The following PLCXD3 variants were observed in gnomAD, a reference collection of about 807,000 sequenced individuals.
PLCXD3 encodes phosphatidylinositol specific phospholipase C X domain containing 3.
Under a neutral mutation model 25.5 loss-of-function variants are expected in PLCXD3, and 19 were observed. That is an observed-to-expected ratio of 0.75 (90% CI 0.52 to 1.09). PLCXD3 has a LOEUF of 1.09. Among genes scored for constraint, PLCXD3 ranks in the 50% least tolerant of loss-of-function variants. The probability of loss-of-function intolerance (pLI) is 0.00; values close to 1 mark genes in which losing one functional copy is unlikely to be tolerated. For synonymous variants in PLCXD3, 174 were observed against 137.6 expected (o/e 1.26, Z -1.85); for missense variants, 411 against 388.1 (o/e 1.06, Z -0.50).
At position 41,308,190 on chromosome 5, in the gene PLCXD3, T is replaced by A. The variant is rs1011371016; in HGVS notation, c.*5427A>T. On this transcript the variant is annotated 3_prime_UTR_variant, in exon 3 of 3. Coordinates refer to ENST00000377801, the MANE Select transcript of PLCXD3 (RefSeq NM_001005473.3). ...TCTCGCCCCTTATAGATAGCCCAGC[T>A]GAAAAAGATAGAAAGGCAGTGTGGA... The A allele has an allele frequency of 2.7e-5, 4 of 150,136 alleles. No individual in the cohort carries two copies. Among genetic ancestry groups the A allele is most frequent in the African/African-American group, 9.9e-5 (4 of 40,522 alleles). The allele number at this position is 150,136 out of a possible 1,614,324, so 9.3% of individuals were successfully genotyped here. A position where few individuals can be genotyped will look rare whatever the true frequency, so the allele number is the denominator to read the frequency against.
chr5:41,349,979 C>CAGCT (rs1744406144), intron 2 of PLCXD3, among the ~76,000 whole-genome samples: 1 of 151,702 alleles, frequency 6.6e-6, no homozygotes, highest in Non-Finnish European at 1.5e-5. Context: ...AAATTGTAGC[C>CAGCT]AGCTATTCAC....
At chr5:41,323,625 G>A (rs1743540769) in intron 2 of PLCXD3, among the ~76,000 whole-genome samples, 1 of 152,160 alleles carries the variant, frequency 6.6e-6, no homozygotes, top group Non-Finnish European at 1.5e-5. Flanking sequence ...CAAGTGATGG[G>A]AGAGAGCAAC....
chr5:41,416,584 A>C (rs759325164), intron 1 of PLCXD3, among the ~76,000 whole-genome samples: 1 of 152,210 alleles, frequency 6.6e-6, no homozygotes, highest in Non-Finnish European at 1.5e-5. Flanking sequence ...CCCACTCAGC[A>C]TCCTCTTTTG....
intron 1 of PLCXD3, among the ~76,000 whole-genome samples, chr5:41,467,396 G>C (rs577011877): frequency 9.2e-5 from 14 of 152,132 alleles, no homozygotes; most frequent in African/African-American, 3.4e-4. Flanking sequence ...TTTTTAAAGT[G>C]GTTATTTGTT....
rs184303971 is a variant in PLCXD3, at chr5:41,410,226, G to A, written c.104-27692C>T. ...GTGATCTCGGCTCACTGCAGCCTCC[G>A]CCTCCTGGGTTCAAGCAATTCTCCT... On this transcript the variant is annotated intron_variant, in intron 1 of 2. Coordinates refer to ENST00000377801, the MANE Select transcript of PLCXD3 (RefSeq NM_001005473.3). Among the ~76,000 whole-genome samples the A allele has an allele frequency of 1.7e-3, 259 of 149,100 alleles. 1 individual carries two copies. The highest frequency in any genetic ancestry group is 5.9e-3 in the African/African-American group (238 of 40,664).
rs930160943 is a variant in PLCXD3 at position 41,308,407 on chromosome 5, G to T, written c.*5210C>A. ...ACCTGGCAACTCTAAATATTGAAAA[G>T]GAATAACTAAGGATGGAGAAAGAAA... On this transcript the variant is annotated 3_prime_UTR_variant, in exon 3 of 3. Coordinates refer to ENST00000377801, the MANE Select transcript of PLCXD3 (RefSeq NM_001005473.3). 10 of 152,050 alleles carry T rather than the reference G, an allele frequency of 6.6e-5. 1 individual carries two copies. The highest frequency in any genetic ancestry group is 2.4e-4 in the African/African-American group (10 of 41,408). 9.4% of individuals were successfully genotyped at this position (152,050 alleles called of 1,614,324 possible).
At chr5:41,332,261 A>T (rs1237720928) in intron 2 of PLCXD3, among the ~76,000 whole-genome samples, 2 of 151,966 alleles carry the variant, frequency 1.3e-5, no homozygotes, top group Non-Finnish European at 2.9e-5. Context: ...AAAACAAACA[A>T]CCCCATCAAA....
chr5:41,495,098 G>C (rs1327054418), intron 1 of PLCXD3, among the ~76,000 whole-genome samples: 1 of 152,244 alleles, frequency 6.6e-6, no homozygotes, highest in African/African-American at 2.4e-5. Context: ...ATCAAAGCCA[G>C]AAGGCAGATT....
chr5:41,422,460 T>A (rs1746850602), intron 1 of PLCXD3, among the ~76,000 whole-genome samples: 1 of 152,188 alleles, frequency 6.6e-6, no homozygotes, highest in Admixed American at 6.5e-5. Flanking sequence ...TCCTTTTTAC[T>A]ACCTTAGTCC....
intron 2 of PLCXD3, among the ~76,000 whole-genome samples, chr5:41,378,195 C>T (rs748297633): frequency 6.6e-6 from 1 of 152,052 alleles, no homozygotes; most frequent in Admixed American, 6.6e-5. Flanking sequence ...CCAGAGCTGA[C>T]AATAAGCTTT....
At chr5:41,450,763 A>G (rs1747610507) in intron 1 of PLCXD3, among the ~76,000 whole-genome samples, 1 of 152,086 alleles carries the variant, frequency 6.6e-6, no homozygotes, top group Non-Finnish European at 1.5e-5. Context: ...GTCCTTCTCC[A>G]TGATGTATAT....
intron 2 of PLCXD3, among the ~76,000 whole-genome samples, chr5:41,373,936 A>G (rs1745202641): frequency 6.6e-6 from 1 of 152,132 alleles, no homozygotes; most frequent in African/African-American, 2.4e-5. Context: ...AGAAGATGCC[A>G]AAAGCTGAGT....
intron 1 of PLCXD3, among the ~76,000 whole-genome samples, chr5:41,466,921 C>CAT (rs1029937093): frequency 2.6e-5 from 4 of 152,022 alleles, no homozygotes; most frequent in African/African-American, 9.7e-5. Flanking sequence ...TATTCTAATG[C>CAT]ATATATATAC....
In PLCXD3 at chr5:41,381,865, T is replaced by C. The variant is rs1745471742; in HGVS notation, c.773A>G (p.Lys258Arg). The C allele has an allele frequency of 1.2e-6, 2 of 1,612,506 alleles. No individual in the cohort carries two copies. Among genetic ancestry groups the C allele is most frequent in the Non-Finnish European group, 1.7e-6 (2 of 1,179,534 alleles). ...VLTPKASTVV[K>R]GVASGLRETI... is the part of the protein sequence containing the mutation. Reference sequence around the variant, plus strand: ...TTCTCTGAGGCCACTTGCCACCCCTTTGACCACAGTGCTAGCTTTGGGGGT... The same window carrying C: ...TTCTCTGAGGCCACTTGCCACCCCTCTGACCACAGTGCTAGCTTTGGGGGT... Residue 258 changes from lysine to arginine, a missense_variant, in exon 2 of 3, where the codon AAA becomes AGA. Lys to Arg is a conservative substitution (Grantham distance 26, BLOSUM62 2). Transcript: ENST00000377801.
intron 1 of PLCXD3, among the ~76,000 whole-genome samples, chr5:41,507,013 C>A (rs1580408184): frequency 6.6e-6 from 1 of 152,148 alleles, no homozygotes; most frequent in African/African-American, 2.4e-5. Context: ...ATGGGCTAAA[C>A]CCTTCCCAAT....
chr5:41,490,552 A>T (rs1748639585), intron 1 of PLCXD3, among the ~76,000 whole-genome samples: 1 of 152,154 alleles, frequency 6.6e-6, no homozygotes, highest in Non-Finnish European at 1.5e-5. Context: ...TTGGCTGTGA[A>T]TCCATCTGGT....
intron 1 of PLCXD3, among the ~76,000 whole-genome samples, chr5:41,456,856 C>G (rs60192268): frequency 0.011 from 1,692 of 151,952 alleles, 27 homozygotes; most frequent in African/African-American, 0.038. Flanking sequence ...TCTCAGCCCC[C>G]CAAACTGTGA....
intron 1 of PLCXD3, among the ~76,000 whole-genome samples, chr5:41,427,737 T>C (rs1351753039): frequency 6.6e-6 from 1 of 152,114 alleles, no homozygotes; most frequent in Non-Finnish European, 1.5e-5. Flanking sequence ...GGTTGAACTG[T>C]CGCTTCCAAA....
Position 41,311,521 on chromosome 5 carries a change from G to A in PLCXD3, c.*2096C>T, listed in dbSNP as rs1201759771. The A allele has an allele frequency of 6.6e-6, 1 of 151,980 alleles. No individual in the cohort carries two copies. The highest frequency in any genetic ancestry group is 2.4e-5 in the African/African-American group (1 of 41,386). 9.4% of individuals were successfully genotyped at this position (151,980 alleles called of 1,614,324 possible). A position where few individuals can be genotyped will look rare whatever the true frequency, so the allele number is the denominator to read the frequency against. ...TTCATTTGAAAAGAAGAATTGTACT[G>A]TGTCCATATCTGTGTGTGTTTCTGT... On this transcript the variant is annotated 3_prime_UTR_variant, in exon 3 of 3. Coordinates refer to ENST00000377801, the MANE Select transcript of PLCXD3 (RefSeq NM_001005473.3).
Sources: allele counts gnomAD v4.1 joint callset (sites outside exome capture counted in the v4.1 genomes callset), GRCh38; gene constraint gnomAD v4.1.1; transcripts MANE v1.5; gene names NCBI Gene and HGNC (gene_info 2026-07-23, HGNC 2026-07-21).